RBFOX1: variants seen among roughly 807,000 people sequenced by gnomAD.
The protein encoded by RBFOX1 is RNA binding fox-1 homolog 1.
A neutral mutation model predicts 57.7 loss-of-function variants in RBFOX1; 8 were observed. The ratio of observed to expected loss-of-function variants is 0.14; its 90% CI spans 0.08 to 0.25. The LOEUF (loss-of-function observed/expected upper bound fraction) is 0.25, where lower values mean the gene tolerates loss of function less well. Among genes scored for constraint, RBFOX1 ranks in the 10% least tolerant of loss-of-function variants. The pLI is 1.00. For missense variants in RBFOX1, 611 were observed against 548.5 expected, an observed-to-expected ratio of 1.11 and a Z score of -1.14; for synonymous variants, 326 against 222.4, an observed-to-expected ratio of 1.47 and a Z score of -4.15.
intron 1 of RBFOX1, among the ~76,000 whole-genome samples, chr16:6,106,458 A>C (rs62014017): frequency 0.67 from 88,319 of 131,614 alleles, 30,228 homozygotes; most frequent in African/African-American, 0.79. Flanking sequence ...AAGAGTGAGT[A>C]TCTGTCTCAA....
chr16:7,142,629 A>G (rs533652901), intron 4 of RBFOX1, among the ~76,000 whole-genome samples: 52 of 152,270 alleles, frequency 3.4e-4, no homozygotes, highest in African/African-American at 1.2e-3. Context: ...TGGACTGTCA[A>G]TCAGAGCATT....
At chr16:6,877,405 G>A (rs1283576837) in intron 3 of RBFOX1, among the ~76,000 whole-genome samples, 1 of 152,060 alleles carries the variant, frequency 6.6e-6, no homozygotes, top group Non-Finnish European at 1.5e-5. Flanking sequence ...TTTCCAATAT[G>A]GACTGCATTA....
chr16:6,957,773 G>A (rs539135996), intron 3 of RBFOX1, among the ~76,000 whole-genome samples: 1 of 152,138 alleles, frequency 6.6e-6, no homozygotes, highest in Non-Finnish European at 1.5e-5. Context: ...ATCTGTGACT[G>A]TTGGGCTGGG....
chr16:5,908,919 G>A (rs143087020), intron 4 of RBFOX1, among the ~76,000 whole-genome samples: 1 of 152,012 alleles, frequency 6.6e-6, no homozygotes, highest in African/African-American at 2.4e-5. Flanking sequence ...GACACAGCAA[G>A]AAGCTGGCTG....
At chr16:5,339,852 G>T (rs143134903) in intron 1 of RBFOX1, among the ~76,000 whole-genome samples, 3 of 152,032 alleles carry the variant, frequency 2.0e-5, no homozygotes, top group Admixed American at 6.6e-5. Flanking sequence ...TTCCCAGCCC[G>T]GGGACTGAGC....
At chr16:7,397,623 A>C (rs980561237) in intron 4 of RBFOX1, among the ~76,000 whole-genome samples, 1 of 152,210 alleles carries the variant, frequency 6.6e-6, no homozygotes, top group African/African-American at 2.4e-5. Flanking sequence ...ATGTAACATC[A>C]CAAGCGTTGG....
intron 3 of RBFOX1, among the ~76,000 whole-genome samples, chr16:7,000,406 G>T (rs186263634): frequency 5.9e-5 from 9 of 151,930 alleles, no homozygotes; most frequent in African/African-American, 2.2e-4. Context: ...CAATCTATTT[G>T]TTGAGGTCAC....
intron 3 of RBFOX1, among the ~76,000 whole-genome samples, chr16:6,970,880 C>G (rs930855185): frequency 6.6e-6 from 1 of 152,292 alleles, no homozygotes; most frequent in Middle Eastern, 3.4e-3. Context: ...TAAGAGACAA[C>G]TGCAGTAAGG....
intron 1 of RBFOX1, among the ~76,000 whole-genome samples, chr16:5,330,628 C>T (rs892540033): frequency 6.6e-6 from 1 of 151,836 alleles, no homozygotes; most frequent in Non-Finnish European, 1.5e-5. Context: ...TGGCCTCGAA[C>T]TTCTGACCTC....
At chr16:7,703,866 G>A (rs924075681) in intron 14 of RBFOX1, among the ~76,000 whole-genome samples, 4 of 152,156 alleles carry the variant, frequency 2.6e-5, no homozygotes, top group Non-Finnish European at 4.4e-5. Flanking sequence ...TAATTTGATC[G>A]GTAGAGCTGC....
intron 4 of RBFOX1, among the ~76,000 whole-genome samples, chr16:7,401,758 G>T (rs1486104309): frequency 6.6e-6 from 1 of 152,136 alleles, no homozygotes; most frequent in East Asian, 1.9e-4. Flanking sequence ...GGACTCAACA[G>T]ACATATTGGC....
At chr16:7,678,740 C>G (rs770775300) in intron 14 of RBFOX1, among the ~76,000 whole-genome samples, 2 of 152,178 alleles carry the variant, frequency 1.3e-5, no homozygotes, top group Non-Finnish European at 1.5e-5. Context: ...CTGGCCATCC[C>G]TACTTGCATT....
chr16:7,344,352 T>C (rs1275680443), intron 4 of RBFOX1, among the ~76,000 whole-genome samples: 1 of 150,288 alleles, frequency 6.7e-6, no homozygotes, highest in Non-Finnish European at 1.5e-5. Context: ...ATGATTATTT[T>C]ATATTTTATA....
chr16:7,369,225 A>T (rs2097524584), intron 4 of RBFOX1, among the ~76,000 whole-genome samples: 1 of 151,726 alleles, frequency 6.6e-6, no homozygotes, highest in Admixed American at 6.6e-5. Context: ...GTAAAAAGCA[A>T]ACACACCCAA....
intron 1 of RBFOX1, among the ~76,000 whole-genome samples, chr16:5,405,839 T>C (rs1383000847): frequency 2.0e-5 from 3 of 152,096 alleles, no homozygotes; most frequent in African/African-American, 7.2e-5. Context: ...TTTCTTCCTT[T>C]TCTATTTTTG....
chr16:6,769,495 A>T (rs953000877), intron 3 of RBFOX1, among the ~76,000 whole-genome samples: 2 of 152,190 alleles, frequency 1.3e-5, no homozygotes, highest in African/African-American at 4.8e-5. Flanking sequence ...TGTAGTTTGT[A>T]TGTATATCCT....
chr16:6,842,305 T>G (rs946664747), intron 3 of RBFOX1, among the ~76,000 whole-genome samples: 1 of 152,072 alleles, frequency 6.6e-6, no homozygotes, highest in Non-Finnish European at 1.5e-5. Context: ...TCTTAATTAT[T>G]TTTTTCTGAT....
chr16:7,208,942 T>C (rs1040870891), intron 4 of RBFOX1, among the ~76,000 whole-genome samples: 1 of 152,000 alleles, frequency 6.6e-6, no homozygotes, highest in Non-Finnish European at 1.5e-5. Flanking sequence ...CATTAATCTA[T>C]TCATGAGGGA....
intron 3 of RBFOX1, among the ~76,000 whole-genome samples, chr16:7,022,381 T>C (rs1344273129): frequency 4.0e-5 from 6 of 151,812 alleles, no homozygotes; most frequent in Admixed American, 3.9e-4. Flanking sequence ...TTAAAGATGG[T>C]AGAGCTGGGA....
Sources: gnomAD v4.1 joint callset for allele counts (sites outside exome capture counted in the v4.1 genomes callset) on GRCh38, gnomAD v4.1.1 for gene constraint, MANE v1.5 for transcripts, NCBI Gene and HGNC (gene_info 2026-07-23, HGNC 2026-07-21) for gene names.